Variants in VAT1L observed in about 807,000 individuals in gnomAD.
VAT1L encodes the protein putative NADPH-dependent quinone oxidoreductase VAT1L.
A neutral mutation model predicts 44.1 loss-of-function variants in VAT1L; 34 were observed. The ratio of observed to expected loss-of-function variants is 0.77; its 90% CI spans 0.59 to 1.03. VAT1L has a LOEUF of 1.03. VAT1L is among the 50% of genes least tolerant of loss of function. The pLI, the probability that VAT1L is intolerant of heterozygous loss-of-function variation, is 0.00. For missense variants in VAT1L, 615 were observed against 538.8 expected (o/e 1.14, Z -1.40); for synonymous variants, 253 against 202.2 (o/e 1.25, Z -2.13).
intron 7 of VAT1L, among the ~76,000 whole-genome samples, chr16:77,966,078 T>C (rs1157920195): frequency 6.6e-6 from 1 of 152,214 alleles, no homozygotes; most frequent in Non-Finnish European, 1.5e-5. Flanking sequence ...ATATTGAGTA[T>C]ATATTGAAAT....
intron 7 of VAT1L, among the ~76,000 whole-genome samples, chr16:77,909,179 A>G (rs1000594836): frequency 6.6e-6 from 1 of 152,224 alleles, no homozygotes; most frequent in Non-Finnish European, 1.5e-5. Flanking sequence ...AATGAGGCAC[A>G]GAGGAGTAAA....
chr16:77,897,766 C>T (rs531607902), intron 7 of VAT1L, among the ~76,000 whole-genome samples: 6 of 152,312 alleles, frequency 3.9e-5, no homozygotes, highest in South Asian at 4.1e-4. Flanking sequence ...TGAGCCACTG[C>T]GCCCAGCCCA....
At chr16:77,921,652 T>C (rs1376015742) in intron 7 of VAT1L, among the ~76,000 whole-genome samples, 1 of 152,234 alleles carries the variant, frequency 6.6e-6, no homozygotes, top group Non-Finnish European at 1.5e-5. Flanking sequence ...TTTCCCTTTG[T>C]CCTAATTTGG....
At chr16:77,862,971 GATA>G in intron 4 of VAT1L, 81 bp downstream of exon 4, 3 of 1,496,500 alleles carry the variant, frequency 2.0e-6, no homozygotes, top group East Asian at 2.3e-5. Context: ...TTAAAAGAGG[GATA>G]ATAATAATAT....
At chr16:77,791,203 C>G (rs964535271) in intron 1 of VAT1L, among the ~76,000 whole-genome samples, 1 of 152,216 alleles carries the variant, frequency 6.6e-6, no homozygotes, top group African/African-American at 2.4e-5. Context: ...CCTTGGGATA[C>G]AGGATGACTC....
intron 7 of VAT1L, among the ~76,000 whole-genome samples, chr16:77,897,254 C>G (rs1210345896): frequency 6.6e-6 from 1 of 152,180 alleles, no homozygotes; most frequent in African/African-American, 2.4e-5. Context: ...GGAATCCACA[C>G]TTCGGTCTGA....
chr16:77,864,967 C>T (rs1597073495), intron 4 of VAT1L, among the ~76,000 whole-genome samples: 2 of 95,380 alleles, frequency 2.1e-5, no homozygotes, highest in Admixed American at 1.3e-4. Context: ...TCTTCTTATC[C>T]TTTTTTTTTT....
intron 1 of VAT1L, among the ~76,000 whole-genome samples, chr16:77,796,517 T>C (rs1597161248): frequency 6.6e-6 from 1 of 152,250 alleles, no homozygotes; most frequent in South Asian, 2.1e-4. Flanking sequence ...TCTACCTCAC[T>C]GTGGCTGTGT....
At chr16:77,943,492 C>T (rs1298787291) in intron 7 of VAT1L, among the ~76,000 whole-genome samples, 2 of 150,278 alleles carry the variant, frequency 1.3e-5, no homozygotes, top group Non-Finnish European at 3.0e-5. Context: ...CTCCACCTCC[C>T]GGGTTCACGC....
chr16:77,930,545 C>T (rs562630641), intron 7 of VAT1L, among the ~76,000 whole-genome samples: 5 of 152,310 alleles, frequency 3.3e-5, no homozygotes, highest in East Asian at 1.9e-4. Flanking sequence ...AATCCGGACT[C>T]AACGTTCTTG....
intron 7 of VAT1L, among the ~76,000 whole-genome samples, chr16:77,963,833 C>T (rs962911671): frequency 2.6e-5 from 4 of 152,124 alleles, no homozygotes; most frequent in African/African-American, 7.2e-5. Flanking sequence ...TGTGATACTT[C>T]CCAGCACAGA....
chr16:77,885,532 G>T (rs764398958), intron 7 of VAT1L, among the ~76,000 whole-genome samples: 3 of 151,962 alleles, frequency 2.0e-5, no homozygotes, highest in Non-Finnish European at 2.9e-5. Flanking sequence ...GATGTGGCCT[G>T]GATTTTAAGA....
At chr16:77,926,133 G>C (rs907142038) in intron 7 of VAT1L, among the ~76,000 whole-genome samples, 4 of 151,072 alleles carry the variant, frequency 2.6e-5, no homozygotes, top group African/African-American at 9.7e-5. Context: ...GGCGCCTGTA[G>C]TCCCAGCTAC....
chr16:77,877,530 A>T lies in VAT1L; in HGVS notation c.826+1057A>T, dbSNP rs1200555345. 9.2e-4 allele frequency among the ~76,000 whole-genome samples: 70 copies of T among 76,310 alleles called. No individual in the cohort carries two copies. In the South Asian group the frequency reaches 0.02, roughly 22 times the overall value. 50.1% of individuals were successfully genotyped at this position (76,310 alleles called of 152,430 possible). A position where few individuals can be genotyped will look rare whatever the true frequency, so the allele number is the denominator to read the frequency against. ...TCTGTCTCAAAAAAAAAAAAAAAAA[A>T]AAAAAAAAAAAAACCACATTAGTCT... On this transcript the variant is annotated intron_variant, in intron 5 of 8. Coordinates refer to ENST00000302536, the MANE Select transcript of VAT1L (RefSeq NM_020927.3).
chr16:77,951,317 C>A (rs748762823), intron 7 of VAT1L, among the ~76,000 whole-genome samples: 30 of 152,070 alleles, frequency 2.0e-4, no homozygotes, highest in Admixed American at 1.9e-3. Flanking sequence ...AGGTGGAGGC[C>A]GGCAGACCAC....
chr16:77,835,919 C>T (rs1398190149), intron 3 of VAT1L, among the ~76,000 whole-genome samples: 2 of 152,036 alleles, frequency 1.3e-5, no homozygotes, highest in Admixed American at 6.6e-5. Flanking sequence ...CTAAAATCCT[C>T]CCTGTTGAAT....
At chr16:77,957,245 G>A (rs1009888777) in intron 7 of VAT1L, among the ~76,000 whole-genome samples, 31 of 152,192 alleles carry the variant, frequency 2.0e-4, no homozygotes, top group Admixed American at 2.0e-4. Flanking sequence ...TGACAATTCC[G>A]GGTGAAAACC....
At chr16:77,876,040 G>A (rs928603230) in intron 4 of VAT1L, among the ~76,000 whole-genome samples, 3 of 152,248 alleles carry the variant, frequency 2.0e-5, no homozygotes, top group South Asian at 2.1e-4. Flanking sequence ...TCCACTTTAC[G>A]AAGGATAAAG....
In VAT1L at chr16:77,884,652, G is replaced by C. The variant is rs772046111; in HGVS notation, c.927G>C (p.Glu309Asp). The C allele has an allele frequency of 6.2e-7, 1 of 1,613,658 alleles. No individual in the cohort carries two copies. The highest frequency in any genetic ancestry group is 8.5e-7 in the Non-Finnish European group (1 of 1,179,860). The change falls in exon 7 of 9, where the codon GAG becomes GAC. Residue 309 changes from glutamate (E) to aspartate (D), a missense_variant. By Grantham distance (45) the Glu-to-Asp change is conservative. Coordinates refer to ENST00000302536, the MANE Select transcript of VAT1L (RefSeq NM_020927.3). The surrounding 1 kb of genome is among the most constrained non-coding windows in gnomAD (Gnocchi z 4.5). ...TGAACCCCATCAAGCTGTATGAGGAGAACAAAGTCATCGCGGGGTTTTCCC... is the reference window on the plus strand; with the variant it reads ...TGAACCCCATCAAGCTGTATGAGGACAACAAAGTCATCGCGGGGTTTTCCC... ...EKVNPIKLYE[E>D]NKVIAGFSLL...
Sources: allele counts gnomAD v4.1 joint callset (sites outside exome capture counted in the v4.1 genomes callset), GRCh38; gene constraint gnomAD v4.1.1; non-coding constraint Gnocchi (gnomAD v3.1); transcripts MANE v1.5; gene names NCBI Gene and HGNC (gene_info 2026-07-23, HGNC 2026-07-21).